TMEM132B: variants seen among roughly 807,000 people sequenced by gnomAD.
TMEM132B encodes the protein transmembrane protein 132B.
A neutral mutation model predicts 90.8 loss-of-function variants in TMEM132B; 18 were observed. The observed-to-expected ratio is 0.20, with a 90% confidence interval of 0.14 to 0.29. The LOEUF (loss-of-function observed/expected upper bound fraction) is 0.29. Ranked by LOEUF, TMEM132B falls within the 10% of genes least tolerant of loss-of-function variation. The pLI is 1.00. For synonymous variants in TMEM132B, 504 were observed against 523.3 expected, an observed-to-expected ratio of 0.96 and a Z score of 0.50; for missense variants, 1,096 against 1,326.8, an observed-to-expected ratio of 0.83 and a Z score of 2.70.
intron 3 of TMEM132B, among the ~76,000 whole-genome samples, chr12:125,420,471 G>A (rs1593137134): frequency 6.6e-6 from 1 of 152,242 alleles, no homozygotes; most frequent in African/African-American, 2.4e-5. Context: ...CATGGCTAGA[G>A]TGGCTGGGAC....
intron 1 of TMEM132B, among the ~76,000 whole-genome samples, chr12:125,232,742 G>T (rs1402403194): frequency 6.6e-6 from 1 of 152,174 alleles, no homozygotes; most frequent in African/African-American, 2.4e-5. Flanking sequence ...CTTCAAGCTT[G>T]ACTTGTTTGG....
intron 3 of TMEM132B, among the ~76,000 whole-genome samples, chr12:125,450,698 G>T (rs1057420529): frequency 2.6e-5 from 4 of 152,032 alleles, no homozygotes; most frequent in South Asian, 2.1e-4. Flanking sequence ...TTATTTACAT[G>T]GTCTCAAAAT....
intron 2 of TMEM132B, among the ~76,000 whole-genome samples, chr12:125,398,583 G>C (rs1879228072): frequency 6.6e-6 from 1 of 152,200 alleles, no homozygotes. Context: ...AGCAGCTGCT[G>C]CTCAGCTCAA....
chr12:125,245,290 A>C, intron 1 of TMEM132B, among the ~76,000 whole-genome samples: 1 of 127,798 alleles, frequency 7.8e-6, no homozygotes, highest in East Asian at 2.6e-4. Flanking sequence ...ACTGCAGTTC[A>C]GGAGGGAGGA....
At chr12:125,508,080 G>T (rs1324345873) in intron 3 of TMEM132B, among the ~76,000 whole-genome samples, 1 of 152,244 alleles carries the variant, frequency 6.6e-6, no homozygotes, top group Non-Finnish European at 1.5e-5. Context: ...AAGAGTTAAG[G>T]ACGACCAAGA....
chr12:125,310,581 C>G (rs1876099240), intron 1 of TMEM132B, among the ~76,000 whole-genome samples: 1 of 152,158 alleles, frequency 6.6e-6, no homozygotes, highest in African/African-American at 2.4e-5. Context: ...TAACCACTCC[C>G]TACCCCAGGG....
intron 5 of TMEM132B, among the ~76,000 whole-genome samples, chr12:125,626,366 T>C (rs1212601054): frequency 6.6e-6 from 1 of 152,212 alleles, no homozygotes; most frequent in Admixed American, 6.5e-5. Flanking sequence ...AGATATCTCT[T>C]CAATATACTG....
intron 1 of TMEM132B, among the ~76,000 whole-genome samples, chr12:125,190,449 T>G (rs1408070728): frequency 1.2e-3 from 31 of 26,636 alleles, no homozygotes; most frequent in African/African-American, 1.8e-3. Context: ...TGGGAAGGGG[T>G]GGTGATGGGG....
intron 4 of TMEM132B, among the ~76,000 whole-genome samples, chr12:125,578,933 T>G (rs1415185496): frequency 6.6e-6 from 1 of 152,166 alleles, no homozygotes; most frequent in Non-Finnish European, 1.5e-5. Flanking sequence ...CTCTCTGAGT[T>G]TATTCTATTT....
chr12:125,296,674 C>G (rs1261254739), intron 1 of TMEM132B, among the ~76,000 whole-genome samples: 2 of 152,232 alleles, frequency 1.3e-5, no homozygotes, highest in Non-Finnish European at 2.9e-5. Flanking sequence ...GGCATAGAAC[C>G]CAGCACCTGG....
rs1292140170 is a variant in TMEM132B at position 125,350,115 on chromosome 12, A to T, written c.731A>T (p.Glu244Val). ...QCPLEEEGKW[E>V]NNIHSGLESP... ...CCTCTGGAGGAGGAAGGCAAGTGGGAGAACAATATCCACTCGGGCCTGGAG... is the reference window on the plus strand; with the variant it reads ...CCTCTGGAGGAGGAAGGCAAGTGGGTGAACAATATCCACTCGGGCCTGGAG... Residue 244 changes from glutamate (E) to valine (V), a missense_variant, in exon 2 of 9, where the codon GAG (glutamate) becomes GTG (valine). By Grantham distance (121) the Glu-to-Val change is moderately radical. Transcript: ENST00000682704. 6.2e-7 allele frequency: 1 copy of T among 1,614,240 alleles called. No individual in the cohort carries two copies. The highest frequency in any genetic ancestry group is 8.5e-7 in the Non-Finnish European group (1 of 1,180,040).
intron 1 of TMEM132B, among the ~76,000 whole-genome samples, chr12:125,248,723 G>T (rs1382892784): frequency 6.6e-6 from 1 of 152,166 alleles, no homozygotes; most frequent in African/African-American, 2.4e-5. Flanking sequence ...AAGGAGACTG[G>T]GTCAGGGGAG....
rs117095977 is a variant in TMEM132B, at chr12:125,549,896, C to T, written c.1293+30271C>T. ...ACAGATGCCCTTGAACCTTCTAGAA[C>T]GAGCATGTGCCAGTTGTCATTTTGT... is the stretch of plus-strand genomic sequence containing the variant. On this transcript the variant is annotated intron_variant, in intron 4 of 8. Transcript: ENST00000682704. Among the ~76,000 whole-genome samples the T allele has an allele frequency of 3.2e-4, 48 of 152,252 alleles. 1 individual carries two copies. In the East Asian group the frequency reaches 8.1e-3, roughly 26 times the overall value.
chr12:125,404,253 G>A (rs1188427723), intron 2 of TMEM132B, among the ~76,000 whole-genome samples: 1 of 151,970 alleles, frequency 6.6e-6, no homozygotes, highest in Non-Finnish European at 1.5e-5. Context: ...ATGTCCTTTG[G>A]GCCCAAAGGA....
chr12:125,324,440 C>T (rs1291321056), intron 1 of TMEM132B, among the ~76,000 whole-genome samples: 1 of 152,190 alleles, frequency 6.6e-6, no homozygotes, highest in African/African-American at 2.4e-5. Flanking sequence ...AAGGTATGTG[C>T]AGACTAATTT....
At chr12:125,652,363 T>G in intron 7 of TMEM132B, 78 bp from the exon 8 acceptor site, 5 of 1,386,624 alleles carry the variant, frequency 3.6e-6, no homozygotes, top group Non-Finnish European at 4.8e-6. Context: ...GGAGAGCACT[T>G]TGTTGGGAGC....
At chr12:125,467,774 C>T (rs1158043485) in intron 3 of TMEM132B, among the ~76,000 whole-genome samples, 3 of 152,178 alleles carry the variant, frequency 2.0e-5, no homozygotes, top group East Asian at 1.9e-4. Context: ...TCTCCTTTCT[C>T]ATATTCTCAT....
At chr12:125,369,804 C>T (rs1878241578) in intron 2 of TMEM132B, among the ~76,000 whole-genome samples, 1 of 152,170 alleles carries the variant, frequency 6.6e-6, no homozygotes, top group Non-Finnish European at 1.5e-5. Context: ...AATCCCAGCA[C>T]TTTGGAAGGC....
chr12:125,578,905 A>G (rs746071382), intron 4 of TMEM132B, among the ~76,000 whole-genome samples: 1 of 152,084 alleles, frequency 6.6e-6, no homozygotes, highest in South Asian at 2.1e-4. Flanking sequence ...TTTGATTATG[A>G]TGTATCTAGG....
Sources: gnomAD v4.1 joint callset for allele counts (sites outside exome capture counted in the v4.1 genomes callset) on GRCh38, gnomAD v4.1.1 for gene constraint, MANE v1.5 for transcripts, NCBI Gene and HGNC (gene_info 2026-07-23, HGNC 2026-07-21) for gene names.